Variants in GPD2 observed in about 807,000 individuals in gnomAD.
GPD2 encodes the protein glycerol-3-phosphate dehydrogenase 2, also known as glycerol-3-phosphate dehydrogenase, mitochondrial.
Under a neutral mutation model 82.4 loss-of-function variants are expected in GPD2, and 54 were observed. That is an observed-to-expected ratio of 0.66 (90% CI 0.53 to 0.82). The LOEUF is 0.82. Ranked by LOEUF, GPD2 falls within the 40% of genes least tolerant of loss-of-function variation. The pLI is 0.00. For synonymous variants in GPD2, 288 were observed against 306.1 expected, an observed-to-expected ratio of 0.94 and a Z score of 0.62; for missense variants, 748 against 896.2, an observed-to-expected ratio of 0.83 and a Z score of 2.11.
intron 1 of GPD2, among the ~76,000 whole-genome samples, chr2:156,461,607 T>G (rs1267167856): frequency 6.6e-6 from 1 of 152,192 alleles, no homozygotes; most frequent in East Asian, 1.9e-4. Context: ...CTCAAACTCC[T>G]GACCTCAAGC....
chr2:156,413,765 G>A, the GPD2 span, among the ~76,000 whole-genome samples: 2 of 151,866 alleles, frequency 1.3e-5, no homozygotes, highest in Non-Finnish European at 2.9e-5. Flanking sequence ...TTAGCCAGGC[G>A]TGGTGGCGCA....
chr2:156,521,589 A>T (rs1173518052), intron 6 of GPD2, among the ~76,000 whole-genome samples: 2 of 152,256 alleles, frequency 1.3e-5, no homozygotes, highest in Non-Finnish European at 2.9e-5. Flanking sequence ...AAAGTGAAGC[A>T]TCAGTTCCAC....
At chr2:156,494,669 G>C (rs1446380616) in intron 2 of GPD2, among the ~76,000 whole-genome samples, 1 of 152,120 alleles carries the variant, frequency 6.6e-6, no homozygotes, top group Admixed American at 6.5e-5. Context: ...CACATGCTTT[G>C]GCCTGTTGGC....
intron 2 of GPD2, among the ~76,000 whole-genome samples, chr2:156,492,038 C>T (rs1007669966): frequency 6.6e-6 from 1 of 150,412 alleles, no homozygotes; most frequent in African/African-American, 2.4e-5. Flanking sequence ...AAAAAAGACA[C>T]TCCCAAACTG....
chr2:156,444,892 G>A (rs1489139488), intron 1 of GPD2, among the ~76,000 whole-genome samples: 8 of 152,144 alleles, frequency 5.3e-5, no homozygotes, highest in African/African-American at 1.9e-4. Context: ...TAGAATGACA[G>A]GTGTGTGCCA....
At chr2:156,477,799 A>G (rs1683566470) in intron 2 of GPD2, among the ~76,000 whole-genome samples, 1 of 152,138 alleles carries the variant, frequency 6.6e-6, no homozygotes, top group Non-Finnish European at 1.5e-5. Flanking sequence ...TATTTCTTTT[A>G]AAAGATTGCC....
intron 9 of GPD2, among the ~76,000 whole-genome samples, chr2:156,563,816 G>C (rs1336951553): frequency 6.6e-6 from 1 of 152,038 alleles, no homozygotes; most frequent in African/African-American, 2.4e-5. Context: ...TTACTGTAGA[G>C]CTGCTCTGTG....
At chr2:156,439,528 A>C (rs1338104860) in intron 1 of GPD2, among the ~76,000 whole-genome samples, 215 of 108,656 alleles carry the variant, frequency 2.0e-3, no homozygotes, top group African/African-American at 7.7e-3. Flanking sequence ...AAAAAAAAAA[A>C]AAAAAAAAAA....
chr2:156,511,544 T>G (rs1319195611), intron 4 of GPD2, among the ~76,000 whole-genome samples: 1 of 152,192 alleles, frequency 6.6e-6, no homozygotes, highest in Non-Finnish European at 1.5e-5. Flanking sequence ...TGTCTCTTTT[T>G]TTTTCTTGAC....
At chr2:156,579,915 G>T in intron 16 of GPD2, 127 bp downstream of exon 16, 1 of 704,124 alleles carries the variant, frequency 1.4e-6, no homozygotes, top group South Asian at 1.5e-5. Context: ...GAAGAAGAAA[G>T]CTCGAAGCCA....
At chr2:156,542,332 A>C (rs1234139842) in intron 6 of GPD2, among the ~76,000 whole-genome samples, 1 of 152,200 alleles carries the variant, frequency 6.6e-6, no homozygotes, top group Non-Finnish European at 1.5e-5. Context: ...CCTGCATTTA[A>C]TTGTACCTTT....
intron 1 of GPD2, among the ~76,000 whole-genome samples, chr2:156,462,166 T>A (rs1408455687): frequency 6.6e-6 from 1 of 152,196 alleles, no homozygotes; most frequent in Non-Finnish European, 1.5e-5. Flanking sequence ...GCAGAGAGTG[T>A]TGCCATGTTT....
In GPD2 at chr2:156,582,982, G is replaced by A; in HGVS notation, c.*64G>A. ...GACAAATCACCATGTAACAACCAGAGATGACTGAAACCACTCTGAAATAAT... is the reference window on the plus strand; with the variant it reads ...GACAAATCACCATGTAACAACCAGAAATGACTGAAACCACTCTGAAATAAT... On this transcript the variant is annotated 3_prime_UTR_variant, in exon 17 of 17. Transcript: ENST00000438166. 6.4e-7 allele frequency: 1 copy of A among 1,561,036 alleles called. No individual in the cohort carries two copies. The highest frequency in any genetic ancestry group is 1.1e-5 in the South Asian group (1 of 89,574).
At chr2:156,438,389 C>G (rs1682024919) in intron 1 of GPD2, among the ~76,000 whole-genome samples, 1 of 152,144 alleles carries the variant, frequency 6.6e-6, no homozygotes, top group East Asian at 1.9e-4. Context: ...TTCTTATACT[C>G]AAGTAGGAAA....
intron 13 of GPD2, among the ~76,000 whole-genome samples, chr2:156,578,385 T>G (rs1687900796): frequency 6.6e-6 from 1 of 152,054 alleles, no homozygotes; most frequent in Non-Finnish European, 1.5e-5. Context: ...TTTTTTTTTT[T>G]GTCACCAAAC....
chr2:156,456,358 C>A (rs1203627038), intron 1 of GPD2, among the ~76,000 whole-genome samples: 2 of 152,030 alleles, frequency 1.3e-5, no homozygotes, highest in Non-Finnish European at 2.9e-5. Context: ...AACCGTAGCA[C>A]TTTGGGAGGC....
At chr2:156,433,056 A>C (rs550797576), upstream of GPD2, among the ~76,000 whole-genome samples, 1 of 152,342 alleles carries the variant, frequency 6.6e-6, no homozygotes, top group South Asian at 2.1e-4. Context: ...CCACCTTTGC[A>C]AAATTATGAC....
chr2:156,574,263 A>G (rs1196857493), intron 13 of GPD2, among the ~76,000 whole-genome samples: 4 of 152,178 alleles, frequency 2.6e-5, no homozygotes, highest in African/African-American at 9.6e-5. Context: ...ACAAATTAAT[A>G]TACTTGAAAG....
At chr2:156,439,783 G>A (rs1682099171) in intron 1 of GPD2, among the ~76,000 whole-genome samples, 1 of 151,766 alleles carries the variant, frequency 6.6e-6, no homozygotes, top group South Asian at 2.1e-4. Flanking sequence ...GGAGGCAGAG[G>A]TTGCAGTGAG....
Sources: gnomAD v4.1 joint callset for allele counts (sites outside exome capture counted in the v4.1 genomes callset) on GRCh38, gnomAD v4.1.1 for gene constraint, MANE v1.5 for transcripts, NCBI Gene and HGNC (gene_info 2026-07-23, HGNC 2026-07-21) for gene names.